Variants in CCND3 observed in about 807,000 individuals in gnomAD.
The protein encoded by CCND3 is G1/S-specific cyclin-D3.
In CCND3, 9 loss-of-function variants were observed where a neutral mutation model predicts 28.7. The observed-to-expected ratio is 0.31, with a 90% CI of 0.19 to 0.55. The LOEUF is 0.55. Ranked by LOEUF, CCND3 falls within the 20% of genes least tolerant of loss-of-function variation. The pLI, the probability that CCND3 is intolerant of heterozygous loss-of-function variation, is 0.93. For missense variants in CCND3, 315 were observed against 385.8 expected (o/e 0.82, Z 1.54); for synonymous variants, 164 against 163.9 (o/e 1.00, Z 0.00).
Position 41,935,781 on chromosome 6 carries a change from G to T in CCND3, c.*159C>A. The T allele has an allele frequency of 1.4e-6, 1 of 692,038 alleles. No homozygotes were observed. Among genetic ancestry groups the T allele is most frequent in the Non-Finnish European group, 2.5e-6 (1 of 408,030 alleles). The allele number at this position is 692,038 out of a possible 1,614,324, so 42.9% of individuals were successfully genotyped here. A position where few individuals can be genotyped will look rare whatever the true frequency, so the allele number is the denominator to read the frequency against. On this transcript the variant is annotated 3_prime_UTR_variant, in exon 5 of 5. Coordinates refer to ENST00000372991, the MANE Select transcript of CCND3 (RefSeq NM_001760.5). ...GACATGGCTGGCCGGGCCCCTTAGT[G>T]CACACTGCGGGGATGGGTAGGACCA...
At chr6:41,972,240 A>AAAAAAAAG (rs1554162050) in intron 1 of CCND3, among the ~76,000 whole-genome samples, 1 of 99,760 alleles carries the variant, frequency 1.0e-5, no homozygotes. Context: ...AAAAAAAAAA[A>AAAAAAAAG]AAAAGAAAAG....
intron 1 of CCND3, among the ~76,000 whole-genome samples, chr6:42,034,519 C>A (rs905698019): frequency 9.5e-6 from 1 of 105,190 alleles, no homozygotes; most frequent in Non-Finnish European, 1.7e-5. Flanking sequence ...TGCTCTGTTG[C>A]CAGGCTGGAG....
chr6:42,034,546 C>T (rs1209509740), intron 1 of CCND3, among the ~76,000 whole-genome samples: 2 of 126,568 alleles, frequency 1.6e-5, no homozygotes, highest in South Asian at 2.7e-4. Context: ...GGTGCGATCT[C>T]GGCTCACTGC....
At chr6:41,999,327 C>A (rs1192339090) in intron 1 of CCND3, among the ~76,000 whole-genome samples, 9 of 152,222 alleles carry the variant, frequency 5.9e-5, no homozygotes, top group Admixed American at 1.3e-4. Flanking sequence ...CGGCTCACTG[C>A]AACCTCCGCC....
Position 42,048,847 on chromosome 6 carries a change from C to A in CCND3, c.-392G>T, listed in dbSNP as rs2127444201. 1 of 323,332 alleles carries A rather than the reference C, an allele frequency of 3.1e-6. No individual in the cohort carries two copies. Among genetic ancestry groups the A allele is most frequent in the South Asian group, 2.3e-5 (1 of 43,494 alleles). The allele number at this position is 323,332 out of a possible 1,614,324, so 20.0% of individuals were successfully genotyped here. ...CCTCGGCGAGGCCAGGAGGCTCATCCGGCGCCGCGCACCCCCGCCCGCAGC... is the reference window on the plus strand; with the variant it reads ...CCTCGGCGAGGCCAGGAGGCTCATCAGGCGCCGCGCACCCCCGCCCGCAGC... On this transcript the variant is annotated 5_prime_UTR_variant, in exon 1 of 5. Coordinates refer to the CCND3 transcript ENST00000372988. This position sits in a 1 kb window ranked among gnomAD's most constrained non-coding sequence, Gnocchi z 4.7.
At chr6:42,042,859 A>AT (rs141929558) in intron 1 of CCND3, among the ~76,000 whole-genome samples, 14,113 of 152,274 alleles carry the variant, frequency 0.093, 905 homozygotes, top group Non-Finnish European at 0.14. Context: ...AGTTATGCCC[A>AT]TTTTACAGAC....
intron 1 of CCND3, among the ~76,000 whole-genome samples, chr6:42,037,842 C>T (rs1300745432): frequency 6.6e-6 from 1 of 151,592 alleles, no homozygotes; most frequent in Non-Finnish European, 1.5e-5. Context: ...ACTAGTCTGA[C>T]CAAAATGGTG....
At chr6:42,007,723 G>A (rs1763216648) in intron 1 of CCND3, among the ~76,000 whole-genome samples, 1 of 152,214 alleles carries the variant, frequency 6.6e-6, no homozygotes, top group African/African-American at 2.4e-5. Context: ...ACATGCATGT[G>A]CTGCGAGAGC....
intron 1 of CCND3, among the ~76,000 whole-genome samples, chr6:41,958,262 G>A (rs147352676): frequency 2.0e-3 from 301 of 152,248 alleles, no homozygotes; most frequent in African/African-American, 7.1e-3. Context: ...CTCCCGAAGT[G>A]CTGGGATTAC....
intron 1 of CCND3, among the ~76,000 whole-genome samples, chr6:42,037,250 T>G (rs1424510746): frequency 6.6e-6 from 1 of 150,754 alleles, no homozygotes; most frequent in African/African-American, 2.5e-5. Context: ...GTTTTGTTTT[T>G]TTTTTTAAGA....
At chr6:42,028,623 C>T (rs992952668) in intron 1 of CCND3, among the ~76,000 whole-genome samples, 5 of 152,218 alleles carry the variant, frequency 3.3e-5, no homozygotes, top group Admixed American at 2.6e-4. Context: ...AAGCTGTCCA[C>T]AGGCATGGGT....
At chr6:42,036,997 G>A (rs573349706) in intron 1 of CCND3, among the ~76,000 whole-genome samples, 2 of 152,188 alleles carry the variant, frequency 1.3e-5, no homozygotes, top group South Asian at 2.1e-4. Context: ...GGAATGCAGT[G>A]GCGTGATCTC....
chr6:42,018,883 C>T (rs1344284565), intron 1 of CCND3, among the ~76,000 whole-genome samples: 7 of 97,954 alleles, frequency 7.1e-5, no homozygotes, highest in African/African-American at 2.9e-4. Context: ...AAGAGCGAAA[C>T]TCCATGTTAA....
At chr6:42,019,336 A>G (rs1034812647) in intron 1 of CCND3, among the ~76,000 whole-genome samples, 4 of 151,980 alleles carry the variant, frequency 2.6e-5, no homozygotes, top group Non-Finnish European at 5.9e-5. Context: ...AAAAATACAA[A>G]AAATTAGCCG....
intron 1 of CCND3, chr6:41,940,853 C>G: frequency 1.7e-6 from 2 of 1,194,808 alleles, no homozygotes; most frequent in Non-Finnish European, 2.5e-6. Flanking sequence ...CAAACGGAGA[C>G]TCCCCTCCCC....
intron 1 of CCND3, among the ~76,000 whole-genome samples, chr6:42,043,787 G>C (rs1764441658): frequency 6.6e-6 from 1 of 152,212 alleles, no homozygotes; most frequent in Non-Finnish European, 1.5e-5. Flanking sequence ...AGGTCTGAGG[G>C]GGCAGCAAGC....
intron 1 of CCND3, among the ~76,000 whole-genome samples, chr6:42,033,235 T>G (rs1228603116): frequency 6.6e-6 from 1 of 151,998 alleles, no homozygotes; most frequent in Non-Finnish European, 1.5e-5. Context: ...GTGGATCACC[T>G]GAGGTCAGGA....
chr6:42,030,983 G>A (rs1476776126), intron 1 of CCND3, among the ~76,000 whole-genome samples: 1 of 152,118 alleles, frequency 6.6e-6, no homozygotes, highest in East Asian at 1.9e-4. Context: ...GTCAAAGAGT[G>A]GAATGTGGAG....
chr6:42,031,612 A>T (rs1470598153), intron 1 of CCND3, among the ~76,000 whole-genome samples: 1 of 152,184 alleles, frequency 6.6e-6, no homozygotes, highest in Admixed American at 6.6e-5. Context: ...AAGTGAAAAA[A>T]GCACTAGAAA....
Sources: allele counts gnomAD v4.1 joint callset (sites outside exome capture counted in the v4.1 genomes callset), GRCh38; gene constraint gnomAD v4.1.1; non-coding constraint Gnocchi (gnomAD v3.1); transcripts MANE v1.5; gene names NCBI Gene and HGNC (gene_info 2026-07-23, HGNC 2026-07-21).